RAPGEF2: variants seen among roughly 807,000 people sequenced by gnomAD.
RAPGEF2 encodes the protein PDZ domain containing guanine nucleotide exchange factor (GEF) 1.
Under a neutral mutation model 186.7 loss-of-function variants are expected in RAPGEF2, and 54 were observed. The observed-to-expected ratio is 0.29, with a 90% CI of 0.23 to 0.36. The LOEUF is 0.36. Among genes scored for constraint, RAPGEF2 ranks in the 10% least tolerant of loss-of-function variants. The probability of loss-of-function intolerance (pLI) is 1.00; values close to 1 mark genes in which losing one functional copy is unlikely to be tolerated. For missense variants in RAPGEF2, 1,532 were observed against 2,045.0 expected (o/e 0.75, Z 4.84); for synonymous variants, 712 against 705.9 (o/e 1.01, Z -0.14).
chr4:159,239,710 T>C (rs1237738603), intron 5 of RAPGEF2, among the ~76,000 whole-genome samples: 1 of 152,104 alleles, frequency 6.6e-6, no homozygotes, highest in Non-Finnish European at 1.5e-5. Context: ...TAAGATGAGG[T>C]GGAAGGGGAG....
rs1477349735 is a variant in RAPGEF2, at chr4:159,359,616, C to CTGATCAGTA, written c.*1477_*1478insTGATCAGTA. ...CTGATCATATTGATCAGTAGATAAACGTAAATAGCTTCAAATTTTAAAAGT... is the reference window on the plus strand; with the variant it reads ...CTGATCATATTGATCAGTAGATAAACTGATCAGTAGTAAATAGCTTCAAATTTTAAAAGT... On this transcript the variant is annotated 3_prime_UTR_variant, in exon 30 of 30. Coordinates refer to ENST00000691494, the MANE Select transcript of RAPGEF2 (RefSeq NM_001394067.2). 1.3e-5 allele frequency: 2 copies of CTGATCAGTA among 152,108 alleles called. No homozygotes were observed. Among genetic ancestry groups the CTGATCAGTA allele is most frequent in the Non-Finnish European group, 2.9e-5 (2 of 68,038 alleles). The allele number at this position is 152,108 out of a possible 1,614,324, so 9.4% of individuals were successfully genotyped here.
At position 159,103,395 on chromosome 4, in the gene RAPGEF2, G is replaced by T; in HGVS notation, c.-768G>T. On this transcript the variant is annotated 5_prime_UTR_variant, in exon 1 of 30. Transcript: ENST00000691494. ...GCTCCGGGCGCGCTGATGGGGGGAGGCGGCGGCGGCGGAGCCCACAGCGGC... is the reference window on the plus strand; with the variant it reads ...GCTCCGGGCGCGCTGATGGGGGGAGTCGGCGGCGGCGGAGCCCACAGCGGC... 1 of 153,860 alleles carries T rather than the reference G, an allele frequency of 6.5e-6. No homozygotes were observed. Among genetic ancestry groups the T allele is most frequent in the Non-Finnish European group, 1.4e-5 (1 of 69,640 alleles). The allele number at this position is 153,860 out of a possible 1,614,324, so 9.5% of individuals were successfully genotyped here. A position where few individuals can be genotyped will look rare whatever the true frequency, so the allele number is the denominator to read the frequency against.
chr4:159,264,753 T>C (rs1757241711), intron 7 of RAPGEF2, among the ~76,000 whole-genome samples: 1 of 152,102 alleles, frequency 6.6e-6, no homozygotes. Flanking sequence ...AACTCCCCAA[T>C]CCCTCCTTCC....
intron 4 of RAPGEF2, among the ~76,000 whole-genome samples, chr4:159,212,542 C>G (rs1363746448): frequency 6.6e-6 from 1 of 151,970 alleles, no homozygotes; most frequent in Non-Finnish European, 1.5e-5. Context: ...TAATGTCTTC[C>G]TTATTCTGGT....
In RAPGEF2 at chr4:159,331,999, C is replaced by T. The variant is rs1766745540; in HGVS notation, c.1853C>T (p.Thr618Ile). 3 of 1,607,506 alleles carry T rather than the reference C, an allele frequency of 1.9e-6. No individual in the cohort carries two copies. The highest frequency in any genetic ancestry group is 3.4e-5 in the Admixed American group (2 of 59,176). ...GCTATGGAAATTCTTAGAAATAACA[C>T]ACATTTATCTATCACTGTGAAAACC... ...SKAMEILRNNTHLSITVKTNL... is the reference protein window; with the variant it reads ...SKAMEILRNNIHLSITVKTNL... Residue 618 changes from threonine (T) to isoleucine (I), a missense_variant, in exon 16 of 30, where the codon ACA (threonine) becomes ATA (isoleucine). Coordinates refer to ENST00000691494, the MANE Select transcript of RAPGEF2 (RefSeq NM_001394067.2).
At chr4:159,288,537 C>T (rs1231950516) in intron 7 of RAPGEF2, among the ~76,000 whole-genome samples, 1 of 151,990 alleles carries the variant, frequency 6.6e-6, no homozygotes, top group Non-Finnish European at 1.5e-5. Context: ...AGCCATTTTC[C>T]CCACCCCCTG....
At chr4:159,202,905 A>G (rs1381582063) in intron 3 of RAPGEF2, among the ~76,000 whole-genome samples, 1 of 152,136 alleles carries the variant, frequency 6.6e-6, no homozygotes, top group Non-Finnish European at 1.5e-5. Flanking sequence ...CCTGGCCTCC[A>G]TGAGCAACCT....
At chr4:159,354,896 G>A (rs758150313) in intron 28 of RAPGEF2, among the ~76,000 whole-genome samples, 4 of 152,202 alleles carry the variant, frequency 2.6e-5, no homozygotes, top group Non-Finnish European at 4.4e-5. Context: ...TAGACGAAGT[G>A]TAGGAACAGA....
Position 159,140,268 on chromosome 4 carries a change from A to G in RAPGEF2, c.69+36037A>G, listed in dbSNP as rs139876790. Reference sequence around the variant, plus strand: ...TAGTATAGATTCAGTAATTTAGTATAGCCATTTGTTTTTACATTTACATAT... The same window carrying G: ...TAGTATAGATTCAGTAATTTAGTATGGCCATTTGTTTTTACATTTACATAT... On this transcript the variant is annotated intron_variant, in intron 1 of 29. Transcript: ENST00000691494. Among the ~76,000 whole-genome samples, 1,404 of 152,332 alleles carry G rather than the reference A, an allele frequency of 9.2e-3. 26 individuals carry two copies. The highest frequency in any genetic ancestry group is 0.031 in the African/African-American group (1,299 of 41,574).
chr4:159,172,947 G>C, intron 1 of RAPGEF2, among the ~76,000 whole-genome samples: 1 of 151,974 alleles, frequency 6.6e-6, no homozygotes, highest in East Asian at 1.9e-4. Context: ...CCTCTTCTCT[G>C]CTCCTTCACC....
chr4:159,249,381 G>A (rs1301404546), intron 7 of RAPGEF2, among the ~76,000 whole-genome samples: 2 of 144,156 alleles, frequency 1.4e-5, no homozygotes, highest in African/African-American at 5.2e-5. Context: ...GTTGTAAGTT[G>A]TCTGTTTTCA....
intron 29 of RAPGEF2, among the ~76,000 whole-genome samples, chr4:159,356,872 G>T (rs1037892338): frequency 5.3e-5 from 8 of 152,106 alleles, no homozygotes; most frequent in Admixed American, 3.3e-4. Flanking sequence ...CTGCACTCCA[G>T]CCTGGGTGAC....
intron 26 of RAPGEF2, among the ~76,000 whole-genome samples, chr4:159,351,519 G>T (rs773616161): frequency 1.3e-5 from 2 of 152,100 alleles, no homozygotes; most frequent in Non-Finnish European, 1.5e-5. Context: ...TTTTTCTTAG[G>T]TAAGTGGCAT....
intron 4 of RAPGEF2, among the ~76,000 whole-genome samples, chr4:159,216,093 A>G (rs992234334): frequency 6.6e-6 from 1 of 152,236 alleles, no homozygotes; most frequent in African/African-American, 2.4e-5. Context: ...TTCCATGCTT[A>G]TCTATGGATT....
At chr4:159,153,262 C>T (rs1438532918) in intron 1 of RAPGEF2, among the ~76,000 whole-genome samples, 2 of 152,108 alleles carry the variant, frequency 1.3e-5, no homozygotes, top group Non-Finnish European at 2.9e-5. Flanking sequence ...ATTGAAACAT[C>T]TGGGGAACTT....
chr4:159,231,337 G>T (rs967061729), intron 4 of RAPGEF2, among the ~76,000 whole-genome samples: 10 of 151,962 alleles, frequency 6.6e-5, no homozygotes, highest in Non-Finnish European at 8.8e-5. Context: ...CTTAAGCAAT[G>T]CATGACTGTA....
At chr4:159,211,536 T>C (rs931909725) in intron 4 of RAPGEF2, among the ~76,000 whole-genome samples, 1 of 152,228 alleles carries the variant, frequency 6.6e-6, no homozygotes, top group Non-Finnish European at 1.5e-5. Context: ...ATATTCTGAC[T>C]GGGTCAGGGT....
Position 159,343,415 on chromosome 4 carries a change from C to T in RAPGEF2, c.3254+11C>T. On this transcript the variant is annotated intron_variant, in intron 22 of 29. Transcript: ENST00000691494. ...CATGTTCAGGACTCGGTGAGTATGT[C>T]ATCTTCAGTGGCACGTGTGAGAGTA... The T allele has an allele frequency of 6.2e-7, 1 of 1,613,250 alleles. No homozygotes were observed. Among genetic ancestry groups the T allele is most frequent in the South Asian group, 1.1e-5 (1 of 91,026 alleles).
At chr4:159,133,526 C>T (rs965477079) in intron 1 of RAPGEF2, among the ~76,000 whole-genome samples, 1 of 152,026 alleles carries the variant, frequency 6.6e-6, no homozygotes, top group Admixed American at 6.6e-5. Context: ...GTTCTCCTGC[C>T]TCAGCCTCCC....
Sources: gnomAD v4.1 joint callset for allele counts (sites outside exome capture counted in the v4.1 genomes callset) on GRCh38, gnomAD v4.1.1 for gene constraint, MANE v1.5 for transcripts, NCBI Gene and HGNC (gene_info 2026-07-23, HGNC 2026-07-21) for gene names.